Variants in PEX7 observed in about 807,000 individuals in gnomAD.
PEX7 encodes the protein peroxisomal biogenesis factor 7.
A neutral mutation model predicts 47.5 loss-of-function variants in PEX7; 34 were observed. The observed-to-expected ratio is 0.72, with a 90% CI of 0.54 to 0.95. The LOEUF is 0.95. Ranked by LOEUF, PEX7 falls within the 40% of genes least tolerant of loss-of-function variation. PEX7 has a pLI of 0.00. For synonymous variants in PEX7, 141 were observed against 148.8 expected, an observed-to-expected ratio of 0.95 and a Z score of 0.38; for missense variants, 394 against 400.3, an observed-to-expected ratio of 0.98 and a Z score of 0.13.
chr6:136,890,803 A>G (rs1036817840), intron 8 of PEX7, among the ~76,000 whole-genome samples: 6 of 152,150 alleles, frequency 3.9e-5, no homozygotes, highest in African/African-American at 1.4e-4. Flanking sequence ...TGTGGGGTGA[A>G]GTTCTAAAGC....
intron 8 of PEX7, among the ~76,000 whole-genome samples, chr6:136,891,890 C>T (rs954158704): frequency 2.6e-5 from 4 of 152,190 alleles, no homozygotes; most frequent in Non-Finnish European, 5.9e-5. Context: ...AGTGATCCAC[C>T]CGCCTTGCCC....
At chr6:136,867,632 G>T (rs1582758418) in intron 6 of PEX7, among the ~76,000 whole-genome samples, 1 of 151,878 alleles carries the variant, frequency 6.6e-6, no homozygotes, top group East Asian at 1.9e-4. Context: ...AGTAAAAAAA[G>T]CCAGGCATGG....
intron 8 of PEX7, among the ~76,000 whole-genome samples, chr6:136,882,671 C>T (rs538257256): frequency 6.6e-6 from 1 of 152,266 alleles, no homozygotes; most frequent in South Asian, 2.1e-4. Flanking sequence ...ATCCCTTAGA[C>T]ATGTGTGCTG....
intron 8 of PEX7, among the ~76,000 whole-genome samples, chr6:136,896,265 G>A (rs181862726): frequency 1.2e-3 from 184 of 152,232 alleles, no homozygotes; most frequent in African/African-American, 3.5e-3. Flanking sequence ...AATATTTAGC[G>A]TATCCATTCT....
intron 3 of PEX7, among the ~76,000 whole-genome samples, chr6:136,836,230 A>C (rs1298504212): frequency 1.0e-5 from 1 of 97,488 alleles, no homozygotes; most frequent in African/African-American, 3.9e-5. Context: ...TTTGTTTTAC[A>C]TAAAGAGAGG....
intron 3 of PEX7, among the ~76,000 whole-genome samples, chr6:136,842,528 AC>A (rs1774520277): frequency 6.6e-6 from 1 of 152,202 alleles, no homozygotes; most frequent in Admixed American, 6.5e-5. Context: ...ATAAGGTGTC[AC>A]CTGCTGCATC....
At chr6:136,826,277 T>G (rs373856813) in intron 2 of PEX7, 42 bp from the exon 3 acceptor site, 1 of 1,606,122 alleles carries the variant, frequency 6.2e-7, no homozygotes, top group Admixed American at 1.7e-5. Flanking sequence ...GCTGCCTATG[T>G]AAGTGTTGTA....
intron 5 of PEX7, among the ~76,000 whole-genome samples, chr6:136,857,185 A>T (rs1357632299): frequency 6.6e-6 from 1 of 152,214 alleles, no homozygotes; most frequent in Non-Finnish European, 1.5e-5. Flanking sequence ...GCTGTGTACC[A>T]TGCGTTTGTA....
At chr6:136,828,723 T>C (rs887419263) in intron 3 of PEX7, among the ~76,000 whole-genome samples, 16 of 152,236 alleles carry the variant, frequency 1.1e-4, no homozygotes, top group African/African-American at 3.9e-4. Context: ...GATGAAGGGC[T>C]AAGCTTTATA....
intron 5 of PEX7, among the ~76,000 whole-genome samples, chr6:136,848,745 A>T (rs1449759836): frequency 6.6e-6 from 1 of 152,062 alleles, no homozygotes; most frequent in African/African-American, 2.4e-5. Context: ...TGCTAGATTC[A>T]GTTTGCCAGT....
At chr6:136,893,623 T>C (rs1051673502) in intron 8 of PEX7, among the ~76,000 whole-genome samples, 10 of 152,248 alleles carry the variant, frequency 6.6e-5, no homozygotes, top group African/African-American at 2.4e-4. Context: ...CATCAGTTGT[T>C]GAATGAATAA....
chr6:136,838,007 G>T (rs1335928523), intron 3 of PEX7, among the ~76,000 whole-genome samples: 2 of 152,138 alleles, frequency 1.3e-5, no homozygotes, highest in Non-Finnish European at 2.9e-5. Context: ...GAGTTTTATT[G>T]TGGTATTATA....
intron 3 of PEX7, among the ~76,000 whole-genome samples, chr6:136,839,723 G>T (rs1227604321): frequency 6.6e-6 from 1 of 152,200 alleles, no homozygotes; most frequent in Non-Finnish European, 1.5e-5. Context: ...TAGAAGATGT[G>T]CTTTTCATTC....
Position 136,900,897 on chromosome 6 carries a change from TTGG to T in PEX7, c.903+2661_903+2663del, listed in dbSNP as rs1775742608. ...CCAGCTTATGTAGTTGAGTAGCTGTTTGGTGGTCCCAGGGCCTGGGTGAACTGG... is the reference window on the plus strand; with the variant it reads ...CCAGCTTATGTAGTTGAGTAGCTGTTTGGTCCCAGGGCCTGGGTGAACTGG... On this transcript the variant is annotated intron_variant, in intron 9 of 9. Coordinates refer to ENST00000318471, the MANE Select transcript of PEX7 (RefSeq NM_000288.4). The surrounding 1 kb of genome is among the most constrained non-coding windows in gnomAD (Gnocchi z 4.2). 4.2e-6 allele frequency: 1 copy of T among 238,574 alleles called. No individual in the cohort carries two copies. The highest frequency in any genetic ancestry group is 5.1e-5 in the Admixed American group (1 of 19,572). 14.8% of individuals were successfully genotyped at this position (238,574 alleles called of 1,614,324 possible).
intron 3 of PEX7, among the ~76,000 whole-genome samples, chr6:136,841,749 A>G (rs1404548178): frequency 6.6e-6 from 1 of 151,894 alleles, no homozygotes; most frequent in African/African-American, 2.4e-5. Context: ...ACACCTGGCT[A>G]ATTTTTAAAA....
intron 8 of PEX7, among the ~76,000 whole-genome samples, chr6:136,880,951 A>G (rs980940458): frequency 2.0e-5 from 3 of 152,218 alleles, no homozygotes; most frequent in African/African-American, 7.2e-5. Context: ...TTAGTATTCC[A>G]TATAAAATAA....
At chr6:136,898,960 G>C (rs1350706337) in intron 9 of PEX7, among the ~76,000 whole-genome samples, 1 of 151,576 alleles carries the variant, frequency 6.6e-6, no homozygotes. Flanking sequence ...AAATTGTAGA[G>C]CATGACTGTG....
intron 5 of PEX7, among the ~76,000 whole-genome samples, chr6:136,848,421 A>G (rs1196629393): frequency 6.6e-6 from 1 of 152,196 alleles, no homozygotes; most frequent in African/African-American, 2.4e-5. Context: ...ATCTTGTGCC[A>G]GTTTTCAAAG....
At chr6:136,870,633 G>T (rs750855570) in intron 7 of PEX7, 1 of 217,712 alleles carries the variant, frequency 4.6e-6, no homozygotes, top group Non-Finnish European at 9.5e-6. Flanking sequence ...GTTTTTTTAC[G>T]TTAAGGATAA....
Sources: gnomAD v4.1 joint callset for allele counts (sites outside exome capture counted in the v4.1 genomes callset) on GRCh38, gnomAD v4.1.1 for gene constraint, Gnocchi (gnomAD v3.1) non-coding constraint, MANE v1.5 for transcripts, NCBI Gene and HGNC (gene_info 2026-07-23, HGNC 2026-07-21) for gene names.